Variants in DTD1 observed in about 807,000 individuals in gnomAD.
DTD1 encodes D-aminoacyl-tRNA deacylase 1.
In DTD1, 13 loss-of-function variants were observed where a neutral mutation model predicts 25.6. The observed-to-expected ratio is 0.51, with a 90% CI of 0.33 to 0.81. The LOEUF is 0.81. Ranked by LOEUF, DTD1 falls within the 30% of genes least tolerant of loss-of-function variation. The pLI, the probability that DTD1 is intolerant of heterozygous loss-of-function variation, is 0.02. For synonymous variants in DTD1, 110 were observed against 103.6 expected (o/e 1.06, Z -0.37); for missense variants, 193 against 266.4 (o/e 0.72, Z 1.92).
At chr20:18,645,171 C>G (rs1377133440) in intron 4 of DTD1, among the ~76,000 whole-genome samples, 5 of 151,962 alleles carry the variant, frequency 3.3e-5, no homozygotes, top group African/African-American at 9.7e-5. Context: ...ATCAATGAAT[C>G]AATCAATCAA....
chr20:18,590,119 C>T (rs768456190), intron 1 of DTD1, among the ~76,000 whole-genome samples: 3 of 152,154 alleles, frequency 2.0e-5, no homozygotes, highest in Non-Finnish European at 4.4e-5. Context: ...AGGAGTCACA[C>T]ATTTTATTTT....
intron 4 of DTD1, among the ~76,000 whole-genome samples, chr20:18,657,328 T>TG (rs2060894824): frequency 6.6e-6 from 1 of 152,054 alleles, no homozygotes; most frequent in African/African-American, 2.4e-5. Context: ...GGCAACATGC[T>TG]GAAAAAAAAC....
intron 3 of DTD1, among the ~76,000 whole-genome samples, chr20:18,605,816 T>TA (rs1175416476): frequency 7.1e-6 from 1 of 141,416 alleles, no homozygotes; most frequent in Non-Finnish European, 1.5e-5. Context: ...CCTAAAACCA[T>TA]AAAAACCCTA....
intron 3 of DTD1, among the ~76,000 whole-genome samples, chr20:18,618,714 T>C (rs6045512): frequency 0.041 from 4,512 of 110,362 alleles, 194 homozygotes; most frequent in African/African-American, 0.13. Flanking sequence ...CACACACACA[T>C]ATAATTTTTT....
At chr20:18,732,908 A>G (rs1005502468) in intron 4 of DTD1, among the ~76,000 whole-genome samples, 3 of 152,176 alleles carry the variant, frequency 2.0e-5, no homozygotes, top group Non-Finnish European at 2.9e-5. Context: ...ACGTAAACCA[A>G]TGTAAGCGTC....
chr20:18,661,617 C>T (rs184603495), intron 4 of DTD1, among the ~76,000 whole-genome samples: 40 of 152,226 alleles, frequency 2.6e-4, no homozygotes, highest in African/African-American at 5.3e-4. Flanking sequence ...GTGATCTGCC[C>T]GCCTTGGCCT....
chr20:18,678,840 G>A (rs11905243), intron 4 of DTD1: 3,496 of 152,030 alleles, frequency 0.023, 81 homozygotes, highest in African/African-American at 0.046. Context: ...TTCCTTGATA[G>A]AGAGTTGATT....
At chr20:18,622,240 G>A (rs1353025260) in intron 3 of DTD1, among the ~76,000 whole-genome samples, 1 of 151,634 alleles carries the variant, frequency 6.6e-6, no homozygotes, top group Non-Finnish European at 1.5e-5. Context: ...CCTTGCCCCC[G>A]ACCCCCTGAA....
intron 3 of DTD1, among the ~76,000 whole-genome samples, chr20:18,598,721 G>C (rs543446904): frequency 6.6e-6 from 1 of 151,130 alleles, no homozygotes; most frequent in East Asian, 1.9e-4. Context: ...ATGTTAGCTA[G>C]GATGGTCTCG....
intron 4 of DTD1, among the ~76,000 whole-genome samples, chr20:18,633,495 G>C (rs2060796323): frequency 6.6e-6 from 1 of 152,190 alleles, no homozygotes; most frequent in Non-Finnish European, 1.5e-5. Flanking sequence ...AGCTCCCTGA[G>C]TGTTGTTCAC....
intron 4 of DTD1, among the ~76,000 whole-genome samples, chr20:18,743,477 T>C (rs1277190699): frequency 6.6e-6 from 1 of 152,032 alleles, no homozygotes; most frequent in Non-Finnish European, 1.5e-5. Context: ...GTGGGTTGCT[T>C]GAGCCCAGGA....
intron 4 of DTD1, among the ~76,000 whole-genome samples, chr20:18,734,419 G>T (rs901725122): frequency 1.3e-5 from 2 of 152,242 alleles, no homozygotes; most frequent in African/African-American, 4.8e-5. Flanking sequence ...TTGAGTGCAA[G>T]TCTCCATCAT....
At chr20:18,653,090 T>C (rs1404428930) in intron 4 of DTD1, among the ~76,000 whole-genome samples, 1 of 152,144 alleles carries the variant, frequency 6.6e-6, no homozygotes, top group Non-Finnish European at 1.5e-5. Context: ...CACATGGCAT[T>C]GACTTAATTA....
At chr20:18,615,141 T>C (rs981352838) in intron 3 of DTD1, among the ~76,000 whole-genome samples, 2 of 151,858 alleles carry the variant, frequency 1.3e-5, no homozygotes, top group Non-Finnish European at 2.9e-5. Flanking sequence ...TTCTGTCATA[T>C]AATGTTGGTC....
intron 4 of DTD1, among the ~76,000 whole-genome samples, chr20:18,710,236 C>T (rs555961871): frequency 3.4e-4 from 51 of 152,158 alleles, no homozygotes; most frequent in South Asian, 2.1e-3. Context: ...CATGTCTTAT[C>T]CTAATAAAAT....
chr20:18,610,891 GACAGAGCGAGACCCTGTCTCAA>G (rs1365300697), intron 3 of DTD1, among the ~76,000 whole-genome samples: 1 of 152,226 alleles, frequency 6.6e-6, no homozygotes, highest in Non-Finnish European at 1.5e-5. Context: ...CAGCCTGGGT[GACAGAGCGAGACCCTGTCTCAA>G]AACAAAACAA....
intron 3 of DTD1, among the ~76,000 whole-genome samples, chr20:18,599,437 A>T (rs1421156557): frequency 6.6e-6 from 1 of 152,162 alleles, no homozygotes; most frequent in African/African-American, 2.4e-5. Context: ...AGCCTCCCAA[A>T]GTGCTGGGAT....
chr20:18,761,367 C>T (rs1391409867), intron 5 of DTD1, among the ~76,000 whole-genome samples: 2 of 152,080 alleles, frequency 1.3e-5, no homozygotes, highest in African/African-American at 4.8e-5. Flanking sequence ...CTTGGCTCCA[C>T]CTCTGATAAT....
chr20:18,703,145 C>T (rs1416155362), intron 4 of DTD1, among the ~76,000 whole-genome samples: 1 of 152,180 alleles, frequency 6.6e-6, no homozygotes, highest in African/African-American at 2.4e-5. Context: ...TCCCTATAGT[C>T]CTTACACTTG....
Sources: gnomAD v4.1 joint callset for allele counts (sites outside exome capture counted in the v4.1 genomes callset) on GRCh38, gnomAD v4.1.1 for gene constraint, MANE v1.5 for transcripts, NCBI Gene and HGNC (gene_info 2026-07-23, HGNC 2026-07-21) for gene names.